RPS6KA6: variants seen among roughly 807,000 people sequenced by gnomAD.
The protein encoded by RPS6KA6 is ribosomal protein S6 kinase alpha-6.
A neutral mutation model predicts 65.4 loss-of-function variants in RPS6KA6; 27 were observed. The ratio of observed to expected loss-of-function variants is 0.41; its 90% CI spans 0.30 to 0.57. The LOEUF is 0.57. Among genes scored for constraint, RPS6KA6 ranks in the 20% least tolerant of loss-of-function variants. The pLI is 0.24. For missense variants in RPS6KA6, 486 were observed against 555.6 expected (o/e 0.87, Z 1.26); for synonymous variants, 190 against 184.2 (o/e 1.03, Z -0.26).
chrX:84,140,548 C>T (rs1416905489), intron 6 of RPS6KA6, among the ~76,000 whole-genome samples: 1 of 108,128 alleles, frequency 9.2e-6, no homozygotes, highest in African/African-American at 3.4e-5. Flanking sequence ...ACCAGCCTAG[C>T]CAACATGGTG....
chrX:84,162,762 T>C (rs2035533044), intron 2 of RPS6KA6, among the ~76,000 whole-genome samples: 1 of 112,015 alleles, frequency 8.9e-6, no homozygotes, highest in Non-Finnish European at 1.9e-5. Context: ...TAATAGTTCC[T>C]TATACTCCTT....
At chrX:84,086,079 CTATTT>C (rs2033914767) in intron 20 of RPS6KA6, among the ~76,000 whole-genome samples, 1 of 110,868 alleles carries the variant, frequency 9.0e-6, no homozygotes, top group African/African-American at 3.3e-5. Context: ...AGCTAGTTGT[CTATTT>C]TATTAATTTT....
intron 1 of RPS6KA6, among the ~76,000 whole-genome samples, chrX:84,171,336 T>C (rs1360062998): frequency 3.6e-5 from 4 of 111,721 alleles, no homozygotes; most frequent in African/African-American, 1.3e-4. Context: ...GCTAAATTTA[T>C]GGTAATTTTT....
At chrX:84,180,440 T>C (rs1359058078) in intron 1 of RPS6KA6, among the ~76,000 whole-genome samples, 3 of 111,703 alleles carry the variant, frequency 2.7e-5, no homozygotes, top group Non-Finnish European at 5.7e-5. Flanking sequence ...CAGTTGAGTG[T>C]ATTTGTGTGG....
At chrX:84,081,916 C>T (rs1317535452) in intron 20 of RPS6KA6, among the ~76,000 whole-genome samples, 1 of 112,075 alleles carries the variant, frequency 8.9e-6, no homozygotes, top group Admixed American at 9.5e-5. Context: ...TAAAAACTCT[C>T]AATAAACTAG....
intron 12 of RPS6KA6, among the ~76,000 whole-genome samples, chrX:84,108,724 T>C (rs2034410747): frequency 9.0e-6 from 1 of 111,639 alleles, no homozygotes; most frequent in Admixed American, 9.5e-5. Flanking sequence ...CAAGCCCATG[T>C]GGAATCCCAT....
intron 1 of RPS6KA6, among the ~76,000 whole-genome samples, chrX:84,171,260 T>C (rs775700088): frequency 2.7e-5 from 3 of 111,617 alleles, no homozygotes; most frequent in African/African-American, 9.8e-5. Flanking sequence ...GAGGATCTAG[T>C]TGAGCCAAGC....
intron 3 of RPS6KA6, among the ~76,000 whole-genome samples, chrX:84,154,865 CA>C (rs1281576830): frequency 9.0e-6 from 1 of 111,617 alleles, no homozygotes; most frequent in Non-Finnish European, 1.9e-5. Flanking sequence ...GCATAAATAT[CA>C]GGTTACTTTA....
intron 1 of RPS6KA6, among the ~76,000 whole-genome samples, chrX:84,174,750 G>C (rs1165966542): frequency 9.0e-6 from 1 of 111,313 alleles, no homozygotes; most frequent in Non-Finnish European, 1.9e-5. Context: ...TGTGTTACTT[G>C]TTAAGTGTCT....
rs1228454022 is a variant in RPS6KA6 at position 84,188,068 on chromosome X, G to A, written c.-169C>T. On this transcript the variant is annotated 5_prime_UTR_variant, in exon 1 of 22. Transcript: ENST00000262752. ...TCGCCGCCGGGTCTCTCAGAGGCTG[G>A]GAGCTGGGGGTCGCCGCCGCCGCCG... is the stretch of plus-strand genomic sequence containing the variant. Among the ~76,000 whole-genome samples, 2 of 73,519 alleles carry A rather than the reference G, an allele frequency of 2.7e-5. No individual in the cohort carries two copies. Among genetic ancestry groups the A allele is most frequent in the Non-Finnish European group, 5.4e-5 (2 of 37,351 alleles). 63.8% of individuals were successfully genotyped at this position (73,519 alleles called of 115,157 possible). A position where few individuals can be genotyped will look rare whatever the true frequency, so the allele number is the denominator to read the frequency against.
At chrX:84,078,717 A>AT (rs1243813934) in intron 20 of RPS6KA6, among the ~76,000 whole-genome samples, 1 of 112,181 alleles carries the variant, frequency 8.9e-6, no homozygotes, top group Non-Finnish European at 1.9e-5. Flanking sequence ...CATTTAAAAA[A>AT]ATATACAAAC....
At chrX:84,085,326 G>A (rs2033895131) in intron 20 of RPS6KA6, among the ~76,000 whole-genome samples, 1 of 111,590 alleles carries the variant, frequency 9.0e-6, no homozygotes, top group African/African-American at 3.3e-5. Flanking sequence ...GATATTGGCT[G>A]TAGGTTTCTC....
At chrX:84,162,391 T>A (rs1169806056) in intron 2 of RPS6KA6, among the ~76,000 whole-genome samples, 2 of 111,704 alleles carry the variant, frequency 1.8e-5, no homozygotes, top group East Asian at 5.6e-4. Context: ...ACACCCAAAG[T>A]ACATGGTTTC....
intron 4 of RPS6KA6, 37 bp from the exon 5 acceptor site, chrX:84,147,095 T>TA: frequency 2.6e-6 from 2 of 770,147 alleles, no homozygotes; most frequent in Non-Finnish European, 3.8e-6. Context: ...ATTGCTCTCT[T>TA]ACATCATTTC....
intron 20 of RPS6KA6, among the ~76,000 whole-genome samples, chrX:84,081,122 A>AAGATC (rs1440196478): frequency 9.0e-6 from 1 of 110,888 alleles, no homozygotes; most frequent in Non-Finnish European, 1.9e-5. Flanking sequence ...AGAAATAACT[A>AAGATC]AGAGCAGAAC....
At chrX:84,129,193 T>TA (rs1486001614) in intron 8 of RPS6KA6, among the ~76,000 whole-genome samples, 3 of 111,156 alleles carry the variant, frequency 2.7e-5, no homozygotes, top group African/African-American at 9.8e-5. Context: ...AAGATCTGAA[T>TA]AAAAAATCCT....
rs149791770 is a variant in RPS6KA6 at position 84,060,762 on chromosome X, A to G, written c.*3515T>C. On this transcript the variant is annotated 3_prime_UTR_variant, in exon 22 of 22. Coordinates refer to ENST00000262752, the MANE Select transcript of RPS6KA6 (RefSeq NM_014496.5). ...GGACACACTGTTCCTTTCCCCCAAA[A>G]TATTTTCCGTGATAGGAACTGAATT... 77 of 111,694 alleles carry G rather than the reference A, an allele frequency of 6.9e-4. No individual in the cohort carries two copies. In the East Asian group the frequency reaches 0.011, roughly 16 times the overall value. 9.2% of individuals were successfully genotyped at this position (111,694 alleles called of 1,213,427 possible). A position where few individuals can be genotyped will look rare whatever the true frequency, so the allele number is the denominator to read the frequency against.
At chrX:84,184,047 A>T (rs1204569504) in intron 1 of RPS6KA6, among the ~76,000 whole-genome samples, 5 of 112,302 alleles carry the variant, frequency 4.5e-5, no homozygotes, top group South Asian at 3.7e-4. Context: ...GAATTTTTTT[A>T]AAAAATTAAA....
intron 15 of RPS6KA6, 68 bp from the exon 16 acceptor site, chrX:84,105,944 C>A: frequency 3.4e-6 from 2 of 589,501 alleles, no homozygotes; most frequent in African/African-American, 2.3e-5. Flanking sequence ...GAGTATTTTC[C>A]ATTTGGTTAT....
Sources: gnomAD v4.1 joint callset for allele counts (sites outside exome capture counted in the v4.1 genomes callset) on GRCh38, gnomAD v4.1.1 for gene constraint, MANE v1.5 for transcripts, NCBI Gene and HGNC (gene_info 2026-07-23, HGNC 2026-07-21) for gene names.